ASIC2: variants seen among roughly 807,000 people sequenced by gnomAD.
ASIC2 encodes the protein acid-sensing ion channel 2.
A neutral mutation model predicts 57.3 loss-of-function variants in ASIC2; 25 were observed. The observed-to-expected ratio is 0.44, with a 90% confidence interval of 0.32 to 0.61. ASIC2 has a LOEUF of 0.61. ASIC2 is among the 20% of genes least tolerant of loss of function. The pLI is 0.06. For synonymous variants in ASIC2, 319 were observed against 307.5 expected, an observed-to-expected ratio of 1.04 and a Z score of -0.39; for missense variants, 641 against 738.1, an observed-to-expected ratio of 0.87 and a Z score of 1.52.
chr17:33,462,702 G>A (rs1277118947), intron 1 of ASIC2, among the ~76,000 whole-genome samples: 1 of 152,226 alleles, frequency 6.6e-6, no homozygotes, highest in African/African-American at 2.4e-5. Flanking sequence ...CTTTTGGTAA[G>A]TATGATCTAT....
At chr17:33,404,676 G>A (rs1286139508) in intron 1 of ASIC2, among the ~76,000 whole-genome samples, 1 of 152,184 alleles carries the variant, frequency 6.6e-6, no homozygotes, top group Non-Finnish European at 1.5e-5. Flanking sequence ...CTGTTACCAT[G>A]CACTCTTCTG....
At chr17:33,416,173 A>T (rs1910834600) in intron 1 of ASIC2, among the ~76,000 whole-genome samples, 1 of 152,184 alleles carries the variant, frequency 6.6e-6, no homozygotes. Flanking sequence ...ACTATGCTGG[A>T]GGTCACTCAC....
chr17:33,995,025 G>A (rs767132034), intron 1 of ASIC2, among the ~76,000 whole-genome samples: 9 of 152,036 alleles, frequency 5.9e-5, no homozygotes, highest in Non-Finnish European at 1.2e-4. Flanking sequence ...TGTGTTAGAG[G>A]ACTCCACATT....
At chr17:33,233,619 G>A (rs1159514238) in intron 1 of ASIC2, among the ~76,000 whole-genome samples, 2 of 150,948 alleles carry the variant, frequency 1.3e-5, no homozygotes, top group Non-Finnish European at 2.9e-5. Context: ...CCTTTCAACT[G>A]GTTTTTTTTT....
chr17:33,041,976 C>T (rs1416651223), intron 3 of ASIC2, among the ~76,000 whole-genome samples: 4 of 152,134 alleles, frequency 2.6e-5, no homozygotes, highest in Admixed American at 2.6e-4. Context: ...TCCTGCCTCC[C>T]ACTATAAGTG....
intron 1 of ASIC2, among the ~76,000 whole-genome samples, chr17:33,620,133 T>C (rs981402564): frequency 6.8e-6 from 1 of 147,590 alleles, no homozygotes; most frequent in Non-Finnish European, 1.5e-5. Flanking sequence ...ACCTGTTTGT[T>C]AAAAAATGTA....
intron 1 of ASIC2, among the ~76,000 whole-genome samples, chr17:33,521,463 A>T (rs1466993020): frequency 6.6e-6 from 1 of 152,030 alleles, no homozygotes; most frequent in Admixed American, 6.5e-5. Context: ...CCCAGTTCTG[A>T]TGCGGCCAAC....
chr17:34,113,073 CTT>C (rs1911323777), intron 1 of ASIC2, among the ~76,000 whole-genome samples: 2 of 152,082 alleles, frequency 1.3e-5, no homozygotes, highest in African/African-American at 4.8e-5. Context: ...ATCACAGTAT[CTT>C]CACTGTGGAA....
chr17:34,051,867 A>AGAGAGAGCGAGAGAGC (rs761814997), intron 1 of ASIC2: 1 of 133,292 alleles, frequency 7.5e-6, no homozygotes, highest in Non-Finnish European at 1.6e-5. Context: ...ACAGAGAGAG[A>AGAGAGAGCGAGAGAGC]GAGAGAGCGA....
At chr17:33,730,432 G>C (rs1375271050) in intron 1 of ASIC2, among the ~76,000 whole-genome samples, 1 of 152,160 alleles carries the variant, frequency 6.6e-6, no homozygotes, top group Non-Finnish European at 1.5e-5. Flanking sequence ...GCACCACTTT[G>C]TCATTTTGAA....
chr17:33,361,943 G>A (rs1413807973), intron 1 of ASIC2, among the ~76,000 whole-genome samples: 1 of 152,120 alleles, frequency 6.6e-6, no homozygotes, highest in Non-Finnish European at 1.5e-5. Context: ...TTGGTTTTAT[G>A]GTCTCTCCAA....
intron 1 of ASIC2, among the ~76,000 whole-genome samples, chr17:33,969,200 C>A (rs1268199730): frequency 2.6e-5 from 4 of 152,132 alleles, no homozygotes; most frequent in African/African-American, 9.7e-5. Context: ...TAGTTTTGGT[C>A]CCTCGCTTCT....
chr17:34,012,940 A>G (rs888357932), intron 1 of ASIC2, among the ~76,000 whole-genome samples: 5 of 152,194 alleles, frequency 3.3e-5, no homozygotes, highest in African/African-American at 9.7e-5. Flanking sequence ...CCATTTTCTC[A>G]GGGCAATGTC....
intron 1 of ASIC2, among the ~76,000 whole-genome samples, chr17:33,496,603 GTTTTTTTTTTT>G (rs61267122): frequency 0.016 from 1,110 of 71,010 alleles, 19 homozygotes; most frequent in African/African-American, 0.046. Flanking sequence ...GTTATTGTAG[GTTTTTTTTTTT>G]TTTTTTTTTT....
intron 1 of ASIC2, among the ~76,000 whole-genome samples, chr17:33,742,987 A>G (rs1230203336): frequency 6.6e-6 from 1 of 152,154 alleles, no homozygotes; most frequent in Admixed American, 6.5e-5. Context: ...AAGTCCTAGT[A>G]ACTTGCCTAT....
At chr17:33,295,654 C>T (rs1404469270), upstream of ASIC2, among the ~76,000 whole-genome samples, 1 of 152,132 alleles carries the variant, frequency 6.6e-6, no homozygotes, top group Non-Finnish European at 1.5e-5. Context: ...AGGGACTACA[C>T]CTCCTTCATA....
intron 1 of ASIC2, among the ~76,000 whole-genome samples, chr17:33,201,306 C>T (rs112249569): frequency 0.024 from 3,581 of 152,204 alleles, 128 homozygotes; most frequent in African/African-American, 0.081. Flanking sequence ...AATGAATGAA[C>T]GAATGTCTTC....
intron 1 of ASIC2, among the ~76,000 whole-genome samples, chr17:33,922,728 T>C (rs1343288390): frequency 6.6e-6 from 1 of 152,194 alleles, no homozygotes; most frequent in East Asian, 1.9e-4. Flanking sequence ...ACTGAGGATT[T>C]GTTCTATTAA....
Position 33,292,260 on chromosome 17 carries a change from T to C in ASIC2, c.-145A>G, listed in dbSNP as rs1287517400. On this transcript the variant is annotated 5_prime_UTR_variant, in exon 1 of 10. Transcript: ENST00000225823. ...AGCGTGCGCCCGAAAGGAGCTCCGG[T>C]GGCGCGGCATGCCCGCCCGGCGCCG... is the stretch of plus-strand genomic sequence containing the variant. The C allele has an allele frequency of 1.0e-6, 1 of 987,400 alleles. No homozygotes were observed. Among genetic ancestry groups the C allele is most frequent in the African/African-American group, 1.8e-5 (1 of 56,512 alleles). The allele number at this position is 987,400 out of a possible 1,614,324, so 61.2% of individuals were successfully genotyped here. A position where few individuals can be genotyped will look rare whatever the true frequency, so the allele number is the denominator to read the frequency against.
Sources: allele counts gnomAD v4.1 joint callset (sites outside exome capture counted in the v4.1 genomes callset), GRCh38; gene constraint gnomAD v4.1.1; transcripts MANE v1.5; gene names NCBI Gene and HGNC (gene_info 2026-07-23, HGNC 2026-07-21).